NEFH: variants seen among roughly 807,000 people sequenced by gnomAD.
NEFH encodes neurofilament heavy chain, also known as neurofilament heavy polypeptide.
A neutral mutation model predicts 56.6 loss-of-function variants in NEFH; 58 were observed. The ratio of observed to expected loss-of-function variants is 1.03; its 90% CI spans 0.83 to 1.28. The LOEUF is 1.28. NEFH is among the 50% of genes most tolerant of loss of function. The pLI is 0.00. For synonymous variants in NEFH, 542 were observed against 545.8 expected, an observed-to-expected ratio of 0.99 and a Z score of 0.10; for missense variants, 1,221 against 1,307.6, an observed-to-expected ratio of 0.93 and a Z score of 1.02.
chr22:29,484,230 A>G (rs1404220523), intron 2 of NEFH, among the ~76,000 whole-genome samples: 2 of 152,164 alleles, frequency 1.3e-5, no homozygotes, highest in Non-Finnish European at 2.9e-5. Flanking sequence ...ATCTTTCTAG[A>G]TTTGAATCCC....
chr22:29,481,984 G>T (rs950377408), intron 1 of NEFH, among the ~76,000 whole-genome samples: 7 of 152,178 alleles, frequency 4.6e-5, no homozygotes, highest in Non-Finnish European at 1.0e-4. Context: ...TTAATCCGGG[G>T]AGTTCCATGA....
rs752972149 is a variant in NEFH, at chr22:29,490,139, G to T, written c.2499G>T (p.Val833=). The T allele has an allele frequency of 1.9e-6, 3 of 1,613,796 alleles. No homozygotes were observed. Among genetic ancestry groups the T allele is most frequent in the South Asian group, 1.1e-5 (1 of 91,062 alleles). Residue 833 remains valine, a synonymous_variant, in exon 4 of 4, where the codon GTG becomes GTT. Coordinates refer to ENST00000310624, the MANE Select transcript of NEFH (RefSeq NM_021076.4). ...PVKEEEKPQE[V]KVKEPPKKAE... is the part of the protein sequence containing the mutation. ...AGGAGGAGGAGAAGCCCCAGGAGGT[G>T]AAAGTCAAAGAGCCCCCAAAGAAGG...
chr22:29,480,361 C>G lies in NEFH; in HGVS notation c.99C>G (p.Gly33=). ...ACTACGCGCTAGCCCGAAAGGGTGGCGCAGGCGGGACGCGCTCCGCCGCTG... is the reference window on the plus strand; with the variant it reads ...ACTACGCGCTAGCCCGAAAGGGTGGGGCAGGCGGGACGCGCTCCGCCGCTG... ...SLHYALARKG[G]AGGTRSAAGS... The change falls in exon 1 of 4, where the codon GGC becomes GGG. Residue 33 remains glycine (G), a synonymous_variant. Transcript: ENST00000310624. The G allele has an allele frequency of 6.5e-7, 1 of 1,536,928 alleles. No homozygotes were observed.
chr22:29,488,947 T>A lies in NEFH; in HGVS notation c.1307T>A (p.Ile436Lys). 1 of 1,614,012 alleles carries A rather than the reference T, an allele frequency of 6.2e-7. No individual in the cohort carries two copies. The highest frequency in any genetic ancestry group is 8.5e-7 in the Non-Finnish European group (1 of 1,179,996). ...AAAATTCCCTCTGTGTCCACTCACA[T>A]AAAGGTGAAAAGCGAAGAGAAGATC... is the stretch of plus-strand genomic sequence containing the variant. Reference protein sequence around the residue: ...LPKIPSVSTHIKVKSEEKIKV... With the variant: ...LPKIPSVSTHKKVKSEEKIKV... The change falls in exon 4 of 4, where the codon ATA (isoleucine) becomes AAA (lysine). Residue 436 changes from isoleucine to lysine, a missense_variant. Ile to Lys is a moderately radical substitution (Grantham distance 102). Around this residue, in one of 4 missense-constraint regions of NEFH, gnomAD observed 243 missense variants for 299.1 expected, o/e 0.81. Transcript: ENST00000310624.
At chr22:29,485,505 G>T (rs1184976692) in intron 2 of NEFH, among the ~76,000 whole-genome samples, 1 of 152,236 alleles carries the variant, frequency 6.6e-6, no homozygotes, top group Non-Finnish European at 1.5e-5. Flanking sequence ...TTTCATTTCA[G>T]ACCTTCTCCA....
Position 29,490,771 on chromosome 22 carries a change from A to G in NEFH, c.*68A>G. The G allele has an allele frequency of 1.2e-6, 2 of 1,601,958 alleles. No homozygotes were observed. The highest frequency in any genetic ancestry group is 1.7e-6 in the Non-Finnish European group (2 of 1,174,966). On this transcript the variant is annotated 3_prime_UTR_variant, in exon 4 of 4. Coordinates refer to ENST00000310624, the MANE Select transcript of NEFH (RefSeq NM_021076.4). ...AAGAGTCCCGGAGCTCAAGGATCAG[A>G]GTAACACAATTTTCACTTTTTCTGT...
At position 29,490,190 on chromosome 22, in the gene NEFH, A is replaced by G; in HGVS notation, c.2550A>G (p.Thr850=). 6.2e-7 allele frequency: 1 copy of G among 1,611,766 alleles called. No homozygotes were observed. Among genetic ancestry groups the G allele is most frequent in the Non-Finnish European group, 8.5e-7 (1 of 1,178,940 alleles). The change falls in exon 4 of 4, where the codon ACA becomes ACG. Residue 850 remains threonine (T), a synonymous_variant. Transcript: ENST00000310624. ...CAGAGGAAGAGAAAGCCCCTGCCAC[A>G]CCAAAAACAGAGGAGAAGAAGGACA... is the stretch of plus-strand genomic sequence containing the variant. The part of the protein sequence containing the change: ...KKAEEEKAPA[T]PKTEEKKDSK...
chr22:29,480,870 C>A lies in NEFH; in HGVS notation c.608C>A (p.Ala203Glu), dbSNP rs966283308. The change falls in exon 1 of 4, where the codon GCG (alanine) becomes GAG (glutamate). Residue 203 changes from alanine to glutamate, a missense_variant. Ala to Glu is a moderately radical substitution (Grantham distance 107). Around this residue, in one of 4 missense-constraint regions of NEFH, gnomAD observed 640 missense variants for 555.5 expected, o/e 1.15. Coordinates refer to ENST00000310624, the MANE Select transcript of NEFH (RefSeq NM_021076.4). ...GCCGAGGCGGCGGCCCGCGCGCTGG[C>A]GCGCTTCGCGCAGGAGGCCGAGGCG... The part of the protein sequence containing the change: ...EEAEAAARAL[A>E]RFAQEAEAAR... 2 of 1,407,298 alleles carry A rather than the reference C, an allele frequency of 1.4e-6. No homozygotes were observed. The highest frequency in any genetic ancestry group is 3.6e-5 in the Admixed American group (1 of 28,152). The allele number at this position is 1,407,298 out of a possible 1,614,324, so 87.2% of individuals were successfully genotyped here.
In NEFH at chr22:29,480,726, G is replaced by A; in HGVS notation, c.464G>A (p.Gly155Asp). 1.4e-6 allele frequency: 2 copies of A among 1,472,416 alleles called. No individual in the cohort carries two copies. The highest frequency in any genetic ancestry group is 2.7e-5 in the South Asian group (2 of 74,920). The allele number at this position is 1,472,416 out of a possible 1,614,324, so 91.2% of individuals were successfully genotyped here. A position where few individuals can be genotyped will look rare whatever the true frequency, so the allele number is the denominator to read the frequency against. ...LYEREVREMR[G>D]AVLRLGAARG... is the part of the protein sequence containing the mutation. ...GAGCGCGAGGTCCGCGAGATGCGCGGCGCGGTGCTGCGCCTGGGCGCGGCG... is the reference window on the plus strand; with the variant it reads ...GAGCGCGAGGTCCGCGAGATGCGCGACGCGGTGCTGCGCCTGGGCGCGGCG... The change falls in exon 1 of 4, where the codon GGC becomes GAC. Residue 155 changes from glycine (G) to aspartate (D), a missense_variant. Around this residue, in one of 4 missense-constraint regions of NEFH, gnomAD observed 640 missense variants for 555.5 expected, o/e 1.15. Transcript: ENST00000310624.
rs2063059259 is a variant in NEFH at position 29,488,946 on chromosome 22, A to G, written c.1306A>G (p.Ile436Val). The G allele has an allele frequency of 6.2e-7, 1 of 1,614,224 alleles. No individual in the cohort carries two copies. The highest frequency in any genetic ancestry group is 8.5e-7 in the Non-Finnish European group (1 of 1,180,026). Residue 436 changes from isoleucine (I) to valine (V), a missense_variant, in exon 4 of 4, where the codon ATA becomes GTA. Physicochemically the swap from Ile to Val is conservative, Grantham distance 29. Coordinates refer to ENST00000310624, the MANE Select transcript of NEFH (RefSeq NM_021076.4). ...LPKIPSVSTH[I>V]KVKSEEKIKV... ...CAAAATTCCCTCTGTGTCCACTCAC[A>G]TAAAGGTGAAAAGCGAAGAGAAGAT...
intron 3 of NEFH, 49 bp from the exon 4 acceptor site, chr22:29,488,800 T>G: frequency 6.3e-7 from 1 of 1,580,118 alleles, no homozygotes; most frequent in Non-Finnish European, 8.7e-7. Context: ...ACCCAAATAG[T>G]GAATTTGCCC....
Position 29,480,514 on chromosome 22 carries a change from G to A in NEFH, c.252G>A (p.Pro84=), listed in dbSNP as rs556165627. The A allele has an allele frequency of 1.9e-5, 29 of 1,535,324 alleles. No homozygotes were observed. In the South Asian group the frequency reaches 3.2e-4, roughly 17 times the overall value. ...CGCTGGACACGCTGAGCAACGGGCC[G>A]GAGGGCTGCATGGTGGCGGTGGCCA... ...TDSLDTLSNG[P]EGCMVAVATS... is the part of the protein sequence containing the mutation. The change falls in exon 1 of 4, where the codon CCG becomes CCA. Residue 84 remains proline, a synonymous_variant. Coordinates refer to ENST00000310624, the MANE Select transcript of NEFH (RefSeq NM_021076.4).
Position 29,490,224 on chromosome 22 carries a change from G to T in NEFH, c.2584G>T (p.Glu862Ter), listed in dbSNP as rs866365871. The T allele has an allele frequency of 6.2e-7, 1 of 1,611,014 alleles. No homozygotes were observed. Among genetic ancestry groups the T allele is most frequent in the South Asian group, 1.1e-5 (1 of 90,760 alleles). The change falls in exon 4 of 4, where the codon GAG becomes TAG. Residue 862 changes from glutamate to a stop codon, truncating the protein, a stop_gained. Transcript: ENST00000310624. LOFTEE classifies it high-confidence loss of function. ...KTEEKKDSKK[E>*]EAPKKEAPKP... ...AGAGGAGAAGAAGGACAGCAAGAAA[G>T]AGGAGGCACCCAAGAAGGAGGCTCC...
Position 29,480,372 on chromosome 22 carries a change from C to T in NEFH, c.110C>T (p.Thr37Met), listed in dbSNP as rs1193582092. ...GCCCGAAAGGGTGGCGCAGGCGGGA[C>T]GCGCTCCGCCGCTGGCTCCTCCAGC... ...ALARKGGAGG[T>M]RSAAGSSSGF... Residue 37 changes from threonine to methionine, a missense_variant, in exon 1 of 4, where the codon ACG becomes ATG. Transcript: ENST00000310624. The T allele has an allele frequency of 2.0e-6, 3 of 1,536,322 alleles. No individual in the cohort carries two copies. The highest frequency in any genetic ancestry group is 2.8e-5 in the African/African-American group (2 of 72,690).
intron 1 of NEFH, among the ~76,000 whole-genome samples, chr22:29,482,467 G>A (rs2146393349): frequency 6.6e-6 from 1 of 152,376 alleles, no homozygotes; most frequent in East Asian, 1.9e-4. Context: ...GGGGGCCGGG[G>A]TGTGGCTACC....
At chr22:29,488,823 A>G (rs779139405) in intron 3 of NEFH, 26 bp from the exon 4 acceptor site, 27 of 1,612,160 alleles carry the variant, frequency 1.7e-5, no homozygotes, top group Non-Finnish European at 2.2e-5. Context: ...AGTTTATACT[A>G]ATGTGTTCCG....
chr22:29,483,276 CAAAAAAAAA>C, intron 1 of NEFH, 90 bp from the exon 2 acceptor site: 1 of 930,164 alleles, frequency 1.1e-6, no homozygotes, highest in South Asian at 1.6e-5. Flanking sequence ...GAATCCGTCT[CAAAAAAAAA>C]AAAAAAGAAA....
chr22:29,481,244 G>C, intron 1 of NEFH, 99 bp downstream of exon 1: 2 of 1,203,708 alleles, frequency 1.7e-6, no homozygotes, highest in Non-Finnish European at 2.3e-6. Flanking sequence ...ACTGCGCGTG[G>C]AGTGGCGCGC....
chr22:29,486,191 A>ATT (rs138706088), intron 3 of NEFH, among the ~76,000 whole-genome samples: 89 of 141,840 alleles, frequency 6.3e-4, no homozygotes, highest in African/African-American at 2.0e-3. Flanking sequence ...GCTAATTTTT[A>ATT]TTTTTTTTTT....
Sources: gnomAD v4.1 joint callset for allele counts (sites outside exome capture counted in the v4.1 genomes callset) on GRCh38, gnomAD v4.1.1 for gene constraint, gnomAD v4.1.1 regional missense constraint, MANE v1.5 for transcripts, NCBI Gene and HGNC (gene_info 2026-07-23, HGNC 2026-07-21) for gene names.